Variants in ADGRG4 observed in about 807,000 individuals in gnomAD.
ADGRG4 encodes the protein G protein-coupled receptor 112.
ADGRG4 carries 122 observed loss-of-function variants against 126.2 expected under a neutral mutation model. The ratio of observed to expected loss-of-function variants is 0.97; its 90% CI spans 0.83 to 1.12. ADGRG4 has a LOEUF of 1.12. Ranked by LOEUF, ADGRG4 falls within the 50% of genes most tolerant of loss-of-function variation. The probability of loss-of-function intolerance (pLI) is 0.00; values close to 1 mark genes in which losing one functional copy is unlikely to be tolerated. For synonymous variants in ADGRG4, 943 were observed against 838.7 expected, an observed-to-expected ratio of 1.12 and a Z score of -2.15; for missense variants, 2,481 against 2,251.8, an observed-to-expected ratio of 1.10 and a Z score of -2.06.
chrX:136,345,679 C>G lies in ADGRG4; in HGVS notation c.1973C>G (p.Ser658Cys), dbSNP rs12851196. ...TCCAGCAATGAGACCATTTGGACTT[C>G]TAGGCCAGACCAGGCCCTGCTGGCA... ...LFSSNETIWTSRPDQALLASM... is the reference protein window; with the variant it reads ...LFSSNETIWTCRPDQALLASM... The change falls in exon 6 of 26, where the codon TCT (serine) becomes TGT (cysteine). Residue 658 changes from serine to cysteine, a missense_variant. Coordinates refer to ENST00000394143, the MANE Select transcript of ADGRG4 (RefSeq NM_153834.4). 8.3e-7 allele frequency: 1 copy of G among 1,209,536 alleles called. No individual in the cohort carries two copies. The highest frequency in any genetic ancestry group is 1.7e-5 in the African/African-American group (1 of 57,228).
intron 5 of ADGRG4, among the ~76,000 whole-genome samples, chrX:136,330,972 C>T (rs1468087330): frequency 2.7e-5 from 3 of 110,219 alleles, no homozygotes; most frequent in Non-Finnish European, 5.7e-5. Context: ...CATTAATCCC[C>T]TCCTTCCCCT....
At chrX:136,411,330 G>T (rs991169826) in intron 23 of ADGRG4, among the ~76,000 whole-genome samples, 3 of 112,662 alleles carry the variant, frequency 2.7e-5, no homozygotes, top group African/African-American at 9.7e-5. Context: ...GATTACAGGC[G>T]TGAGACATCA....
At chrX:136,319,766 T>A (rs1351722368) in intron 4 of ADGRG4, among the ~76,000 whole-genome samples, 1 of 110,306 alleles carries the variant, frequency 9.1e-6, no homozygotes, top group African/African-American at 3.3e-5. Flanking sequence ...ATCTATTATC[T>A]ATTATTTATC....
At chrX:136,396,610 AAG>A (rs1193246292) in intron 19 of ADGRG4, among the ~76,000 whole-genome samples, 59 of 101,531 alleles carry the variant, frequency 5.8e-4, no homozygotes, top group African/African-American at 1.8e-3. Context: ...AAAAAAAAAA[AAG>A]AGAGAGAGAG....
intron 21 of ADGRG4, among the ~76,000 whole-genome samples, 164 bp downstream of exon 21, chrX:136,400,280 A>T (rs1019499415): frequency 9.0e-6 from 1 of 111,301 alleles, no homozygotes; most frequent in Non-Finnish European, 1.9e-5. Flanking sequence ...TATAAATTCA[A>T]TTTTTAACCT....
chrX:136,326,388 A>C (rs2074873284), intron 5 of ADGRG4, among the ~76,000 whole-genome samples: 1 of 112,255 alleles, frequency 8.9e-6, no homozygotes. Flanking sequence ...AAAAGGAAAT[A>C]GGGGCTCAGA....
chrX:136,352,487 G>A (rs1447506340), intron 7 of ADGRG4, among the ~76,000 whole-genome samples: 1 of 109,072 alleles, frequency 9.2e-6, no homozygotes, highest in African/African-American at 3.3e-5. Flanking sequence ...GCAACATGGC[G>A]AGATCTTGTT....
At chrX:136,387,712 A>G in intron 15 of ADGRG4, 28 bp from the exon 16 acceptor site, 3 of 1,197,357 alleles carry the variant, frequency 2.5e-6, no homozygotes, top group African/African-American at 3.5e-5. Flanking sequence ...GAAGACTCCA[A>G]TTTTCATTTT....
chrX:136,385,879 A>G (rs1055431240), intron 15 of ADGRG4, among the ~76,000 whole-genome samples: 2 of 111,729 alleles, frequency 1.8e-5, no homozygotes, highest in African/African-American at 6.5e-5. Context: ...GGTCAGGCAT[A>G]TATTTGGGCA....
At chrX:136,379,284 A>AT (rs892283538) in intron 15 of ADGRG4, among the ~76,000 whole-genome samples, 11 of 111,355 alleles carry the variant, frequency 9.9e-5, no homozygotes, top group Non-Finnish European at 1.3e-4. Context: ...ATATTTTCCT[A>AT]TTTTTTTAAC....
intron 4 of ADGRG4, among the ~76,000 whole-genome samples, chrX:136,313,170 C>T (rs1288484758): frequency 8.9e-6 from 1 of 111,987 alleles, no homozygotes; most frequent in East Asian, 2.8e-4. Flanking sequence ...GTGAATATAC[C>T]TAGGAGTGCA....
chrX:136,360,937 TG>T (rs756246588), intron 11 of ADGRG4, among the ~76,000 whole-genome samples: 1 of 111,275 alleles, frequency 9.0e-6, no homozygotes, highest in East Asian at 2.8e-4. Flanking sequence ...AATTGGTAGG[TG>T]GGAACTTTTG....
At chrX:136,334,068 TTC>T (rs1202370226) in intron 5 of ADGRG4, among the ~76,000 whole-genome samples, 1 of 103,174 alleles carries the variant, frequency 9.7e-6, no homozygotes, top group Admixed American at 1.1e-4. Context: ...TAGGTTGAGG[TTC>T]TCTCTCTTTC....
intron 5 of ADGRG4, among the ~76,000 whole-genome samples, chrX:136,343,683 T>A (rs1315187016): frequency 1.8e-5 from 2 of 112,232 alleles, no homozygotes; most frequent in Non-Finnish European, 3.8e-5. Context: ...TAAAACATTT[T>A]CAATCTGGTG....
At chrX:136,312,580 C>T (rs1466145934) in intron 4 of ADGRG4, among the ~76,000 whole-genome samples, 1 of 111,626 alleles carries the variant, frequency 9.0e-6, no homozygotes, top group African/African-American at 3.3e-5. Context: ...GAGTTAAGAT[C>T]GCGTCATTGC....
At chrX:136,409,956 G>C (rs1758227027) in intron 23 of ADGRG4, among the ~76,000 whole-genome samples, 1 of 112,750 alleles carries the variant, frequency 8.9e-6, no homozygotes, top group Non-Finnish European at 1.9e-5. Flanking sequence ...GGTGCTGCTA[G>C]CTCCATGTTA....
chrX:136,336,577 A>G (rs912844690), intron 5 of ADGRG4, among the ~76,000 whole-genome samples: 3 of 111,638 alleles, frequency 2.7e-5, no homozygotes, highest in South Asian at 3.8e-4. Context: ...GAAGCAATGC[A>G]TTTATTATTA....
At position 136,347,040 on chromosome X, in the gene ADGRG4, C is replaced by G; in HGVS notation, c.3334C>G (p.His1112Asp). 1.7e-6 allele frequency: 2 copies of G among 1,210,975 alleles called. No individual in the cohort carries two copies. The highest frequency in any genetic ancestry group is 4.4e-5 in the Admixed American group (2 of 45,969). The change falls in exon 6 of 26, where the codon CAT (histidine) becomes GAT (aspartate). Residue 1112 changes from histidine (H) to aspartate (D), a missense_variant. Coordinates refer to ENST00000394143, the MANE Select transcript of ADGRG4 (RefSeq NM_153834.4). The stretch of plus-strand genomic sequence containing the variant: ...TCCTTCTCTGACAGAAACACCATTT[C>G]ATTCACTGAGACTCTCCACTCCTGT... ...AVPSLTETPF[H>D]SLRLSTPVTA...
rs1192980345 is a variant in ADGRG4 at position 136,340,953 on chromosome X, A to C, written c.686-3439A>C. On this transcript the variant is annotated intron_variant, in intron 5 of 25. Transcript: ENST00000394143. Reference sequence around the variant, plus strand: ...AAGAAACCTTGCATCTGAAAGATTTAATGGAAGGTTTGCTGAAATATACAA... The same window carrying C: ...AAGAAACCTTGCATCTGAAAGATTTCATGGAAGGTTTGCTGAAATATACAA... 7.1e-5 allele frequency among the ~76,000 whole-genome samples: 8 copies of C among 112,324 alleles called. No homozygotes were observed. In the South Asian group the frequency reaches 3.0e-3, roughly 42 times the overall value.
Sources: allele counts gnomAD v4.1 joint callset (sites outside exome capture counted in the v4.1 genomes callset), GRCh38; gene constraint gnomAD v4.1.1; transcripts MANE v1.5; gene names NCBI Gene and HGNC (gene_info 2026-07-23, HGNC 2026-07-21).